Variants in IL9R observed in about 807,000 individuals in gnomAD.
IL9R encodes the protein interleukin-9 receptor.
IL9R carries 54 observed loss-of-function variants against 56.3 expected under a neutral mutation model. The ratio of observed to expected loss-of-function variants is 0.96; its 90% CI spans 0.77 to 1.20. The LOEUF (loss-of-function observed/expected upper bound fraction) is 1.20, where lower values mean the gene tolerates loss of function less well. Ranked by LOEUF, IL9R falls within the 50% of genes most tolerant of loss-of-function variation. IL9R has a pLI of 0.00. For missense variants in IL9R, 545 were observed against 629.8 expected (o/e 0.87, Z 1.44); for synonymous variants, 212 against 250.2 (o/e 0.85, Z 1.44).
At position 156,005,282 on chromosome X, in the gene IL9R, C is replaced by T. The variant is rs141849405; in HGVS notation, c.584C>T (p.Ala195Val). 6.2e-7 allele frequency: 1 copy of T among 1,611,904 alleles called. No individual in the cohort carries two copies. Among genetic ancestry groups the T allele is most frequent in the African/African-American group, 1.3e-5 (1 of 74,952 alleles). The change falls in exon 6 of 9, where the codon GCC becomes GTC. Residue 195 changes from alanine (A) to valine (V), a missense_variant. Around this residue, in one of 2 missense-constraint regions of IL9R, gnomAD observed 431 missense variants for 360.0 expected, o/e 1.20. Transcript: ENST00000244174. ...TAACTGTCCCCACCCCCACAGCAGG[C>T]CCAGCACAGGGATCACATTGTCGGG... ...FKKQEEAWEQ[A>V]QHRDHIVGVT...
chrX:156,003,793 A>C lies in IL9R; in HGVS notation c.371A>C (p.His124Pro), dbSNP rs746422017. Residue 124 changes from histidine to proline, a missense_variant, in exon 4 of 9, where the codon CAC becomes CCC. By Grantham distance (77) the His-to-Pro change is moderately conservative (BLOSUM62 -2). This residue lies in a region of IL9R where 431 missense variants were observed against 360.0 expected (regional missense o/e 1.20). Transcript: ENST00000244174. ...GACAATTTCACCATCACTTTCCACC[A>C]CTGCATGTCTGGGAGGGAGCAGGTC... ...PSDNFTITFH[H>P]CMSGREQVSL... 1 of 1,613,672 alleles carries C rather than the reference A, an allele frequency of 6.2e-7. No individual in the cohort carries two copies. The highest frequency in any genetic ancestry group is 8.5e-7 in the Non-Finnish European group (1 of 1,179,624).
At position 156,003,740 on chromosome X, in the gene IL9R, G is replaced by A. The variant is rs377357847; in HGVS notation, c.318G>A (p.Leu106=). The change falls in exon 4 of 9, where the codon CTG becomes CTA. Residue 106 remains leucine (L), a synonymous_variant. Transcript: ENST00000244174. Reference sequence around the variant, plus strand: ...GGGGCAGTGAGTGCACCGTCGTGCTGCCACCTGAGGCAGTGCTCGTGCCAT... The same window carrying A: ...GGGGCAGTGAGTGCACCGTCGTGCTACCACCTGAGGCAGTGCTCGTGCCAT... ...ILRGSECTVV[L]PPEAVLVPSD... 5.8e-5 allele frequency: 93 copies of A among 1,613,930 alleles called. No individual in the cohort carries two copies. The highest frequency in any genetic ancestry group is 5.0e-4 in the Middle Eastern group (3 of 6,056).
intron 1 of IL9R, among the ~76,000 whole-genome samples, chrX:155,998,160 T>C (rs924906969): frequency 6.6e-6 from 1 of 151,814 alleles, no homozygotes; most frequent in African/African-American, 2.4e-5. Context: ...TGGGCCTCAG[T>C]TGTGATGGCC....
At chrX:156,008,987 A>G (rs1480347208) in intron 8 of IL9R, among the ~76,000 whole-genome samples, 9 of 55,868 alleles carry the variant, frequency 1.6e-4, no homozygotes, top group African/African-American at 2.0e-4. Flanking sequence ...GTGTGTGTTT[A>G]AGTCTGTGTG....
intron 1 of IL9R, chrX:156,001,196 C>G (rs2124494831): frequency 1.6e-6 from 1 of 610,392 alleles, no homozygotes; most frequent in East Asian, 2.8e-5. Context: ...GCCGTCTGCT[C>G]CTGGGTTAGC....
chrX:156,003,520 G>A lies in IL9R; in HGVS notation c.214G>A (p.Glu72Lys), dbSNP rs1401142747. 7 of 1,612,890 alleles carry A rather than the reference G, an allele frequency of 4.3e-6. No homozygotes were observed. Among genetic ancestry groups the A allele is most frequent in the Non-Finnish European group, 5.9e-6 (7 of 1,179,816 alleles). Residue 72 changes from glutamate (E) to lysine (K), a missense_variant, in exon 3 of 9, where the codon GAG becomes AAG. Glu to Lys is a moderately conservative substitution (Grantham distance 56). Around this residue, in one of 2 missense-constraint regions of IL9R, gnomAD observed 431 missense variants for 360.0 expected, o/e 1.20. Transcript: ENST00000244174. Reference sequence around the variant, plus strand: ...GATCGATTGCCACTGGTCTGCCCCAGAGCTGGGACAGGGCTCCAGCCCCTG... The same window carrying A: ...GATCGATTGCCACTGGTCTGCCCCAAAGCTGGGACAGGGCTCCAGCCCCTG... ...LRIDCHWSAP[E>K]LGQGSSPWLL...
In IL9R at chrX:155,997,868, C is replaced by T. The variant is rs3093456; in HGVS notation, c.28+81C>T. On this transcript the variant is annotated intron_variant, in intron 1 of 8. Transcript: ENST00000244174. ...CAGAGAGGGACATGTGGCCCTCCAA[C>T]TCGGGGCCCAGGGAGCCACTGTGGC... 4.3e-4 allele frequency: 577 copies of T among 1,333,898 alleles called. 5 individuals are homozygous for T. In the African/African-American group the frequency reaches 7.4e-3, roughly 17 times the overall value. 82.6% of individuals were successfully genotyped at this position (1,333,898 alleles called of 1,614,324 possible).
rs190403031 is a variant in IL9R at position 156,001,450 on chromosome X, C to T, written c.29-1456C>T. 49 of 1,611,230 alleles carry T rather than the reference C, an allele frequency of 3.0e-5. No homozygotes were observed. In the East Asian group the frequency reaches 1.0e-3, roughly 34 times the overall value. Reference sequence around the variant, plus strand: ...GACAGACACTGCTGCAGAGAACTTGCCACGGTGTTTCATGCTGTGGCTGGT... The same window carrying T: ...GACAGACACTGCTGCAGAGAACTTGTCACGGTGTTTCATGCTGTGGCTGGT... On this transcript the variant is annotated intron_variant, in intron 1 of 8. Transcript: ENST00000244174.
At chrX:156,011,462 A>T (rs1435031052), downstream of IL9R, among the ~76,000 whole-genome samples, 2 of 102,238 alleles carry the variant, frequency 2.0e-5, 1 homozygote, top group East Asian at 8.7e-4. Flanking sequence ...GAGACGGTGC[A>T]GGAGGAAGAA....
intron 1 of IL9R, chrX:156,001,209 G>A (rs1347343182): frequency 1.1e-5 from 7 of 623,812 alleles, no homozygotes; most frequent in Non-Finnish European, 1.7e-5. Flanking sequence ...GGGTTAGCCT[G>A]TGGCTGGCCT....
At chrX:156,009,349 T>A (rs1440964926) in intron 8 of IL9R, among the ~76,000 whole-genome samples, 2 of 144,428 alleles carry the variant, frequency 1.4e-5, no homozygotes, top group Non-Finnish European at 3.0e-5. Context: ...TGTGTGTGTG[T>A]CTCGTGTGTG....
At chrX:155,999,300 C>T (rs1400153245) in intron 1 of IL9R, among the ~76,000 whole-genome samples, 1 of 152,132 alleles carries the variant, frequency 6.6e-6, no homozygotes, top group Non-Finnish European at 1.5e-5. Context: ...AAGTCCAGCC[C>T]TGACTTCTTC....
chrX:156,000,031 G>A (rs1252833305), intron 1 of IL9R, among the ~76,000 whole-genome samples: 2 of 152,106 alleles, frequency 1.3e-5, no homozygotes, highest in Admixed American at 1.3e-4. Context: ...AGCTACTTGG[G>A]AGGCTGAAGC....
intron 1 of IL9R, among the ~76,000 whole-genome samples, chrX:156,000,463 T>C (rs1371780870): frequency 6.6e-6 from 1 of 152,102 alleles, no homozygotes; most frequent in Non-Finnish European, 1.5e-5. Flanking sequence ...CAGACCAAAG[T>C]GATCATGGGC....
At chrX:156,007,455 C>G in intron 7 of IL9R, 68 bp from the exon 8 acceptor site, 1 of 843,502 alleles carries the variant, frequency 1.2e-6, no homozygotes, top group East Asian at 2.4e-5. Flanking sequence ...GAAGGAAGCT[C>G]AGCCTCTGCA....
intron 8 of IL9R, among the ~76,000 whole-genome samples, chrX:156,008,959 GTT>G (rs2068202892): frequency 6.7e-6 from 1 of 149,498 alleles, no homozygotes; most frequent in African/African-American, 2.5e-5. Context: ...GTGTGTGTGT[GTT>G]TATGTGTGTG....
At chrX:156,002,803 G>T (rs1303369149) in intron 1 of IL9R, 103 bp from the exon 2 acceptor site, 17 of 1,519,282 alleles carry the variant, frequency 1.1e-5, no homozygotes, top group Non-Finnish European at 1.5e-5. Flanking sequence ...CTGTGTGAGT[G>T]CAGGTGGGGA....
At position 156,005,363 on chromosome X, in the gene IL9R, C is replaced by T. The variant is rs143145062; in HGVS notation, c.665C>T (p.Ala222Val). 3.3e-4 allele frequency: 538 copies of T among 1,612,770 alleles called. No individual in the cohort carries two copies. Among genetic ancestry groups the T allele is most frequent in the African/African-American group, 6.4e-4 (48 of 74,994 alleles). Reference sequence around the variant, plus strand: ...CTGGACCCTGGCTTTATCCATGAGGCCAGGCTGCGTGTCCAGATGGCCACA... The same window carrying T: ...CTGGACCCTGGCTTTATCCATGAGGTCAGGCTGCGTGTCCAGATGGCCACA... ...FELDPGFIHE[A>V]RLRVQMATLE... The change falls in exon 6 of 9, where the codon GCC becomes GTC. Residue 222 changes from alanine (A) to valine (V), a missense_variant. Ala to Val is a moderately conservative substitution (Grantham distance 64, BLOSUM62 0). Transcript: ENST00000244174.
intron 8 of IL9R, among the ~76,000 whole-genome samples, chrX:156,009,234 T>TTTATGTG (rs2068273534): frequency 5.9e-4 from 1 of 1,702 alleles, no homozygotes; most frequent in Admixed American, 4.5e-3. Context: ...TCTGTGTGTG[T>TTTATGTG]TCGTGTGGTG....
Sources: allele counts gnomAD v4.1 joint callset (sites outside exome capture counted in the v4.1 genomes callset), GRCh38; gene constraint gnomAD v4.1.1; regional missense constraint gnomAD v4.1.1; transcripts MANE v1.5; gene names NCBI Gene and HGNC (gene_info 2026-07-23, HGNC 2026-07-21).